ILDR1: variants seen among roughly 807,000 people sequenced by gnomAD.
ILDR1 encodes immunoglobulin like domain containing receptor 1.
ILDR1 carries 56 observed loss-of-function variants against 62.4 expected under a neutral mutation model. That is an observed-to-expected ratio of 0.90 (90% CI 0.72 to 1.12). The LOEUF (loss-of-function observed/expected upper bound fraction) is 1.12. ILDR1 is among the 50% of genes most tolerant of loss of function. The pLI is 0.00. For missense variants in ILDR1, 736 were observed against 710.6 expected (o/e 1.04, Z -0.41); for synonymous variants, 284 against 277.8 (o/e 1.02, Z -0.22).
chr3:122,051,004 T>C, the ILDR1 span, among the ~76,000 whole-genome samples: 2 of 152,228 alleles, frequency 1.3e-5, no homozygotes, highest in East Asian at 3.8e-4. Context: ...AATCCATTGC[T>C]AATCTTATAG....
upstream of ILDR1, among the ~76,000 whole-genome samples, chr3:122,023,021 G>A (rs1051802759): frequency 1.3e-5 from 2 of 150,666 alleles, no homozygotes; most frequent in Non-Finnish European, 3.0e-5. Flanking sequence ...AACTATAAAA[G>A]TAAAATATTA....
the ILDR1 span, among the ~76,000 whole-genome samples, chr3:122,042,634 T>C: frequency 2.6e-5 from 4 of 151,772 alleles, no homozygotes; most frequent in African/African-American, 9.7e-5. Context: ...TGGTATCTCA[T>C]TGTGGTTTTG....
Position 122,002,201 on chromosome 3 carries a change from G to A in ILDR1, c.380-337C>T, listed in dbSNP as rs545002869. 9.2e-5 allele frequency among the ~76,000 whole-genome samples: 14 copies of A among 152,210 alleles called. No homozygotes were observed. The South Asian group carries it at 2.1e-3, about 23-fold the overall frequency. ...CAGTATATGGGGCTTTTACTTACTC[G>A]CAATCAAACCTAATCCTAACTGGTA... On this transcript the variant is annotated intron_variant, in intron 3 of 7. Transcript: ENST00000344209.
At chr3:122,048,922 C>T in the ILDR1 span, among the ~76,000 whole-genome samples, 1 of 152,170 alleles carries the variant, frequency 6.6e-6, no homozygotes, top group Admixed American at 6.5e-5. Context: ...AGGCATAAGC[C>T]ACCATTACGC....
At chr3:122,020,505 G>A (rs2071839247) in intron 1 of ILDR1, among the ~76,000 whole-genome samples, 1 of 152,204 alleles carries the variant, frequency 6.6e-6, no homozygotes, top group African/African-American at 2.4e-5. Flanking sequence ...CATCTATAAA[G>A]TGAACGTGAG....
chr3:122,051,377 T>A, the ILDR1 span, among the ~76,000 whole-genome samples: 1 of 152,142 alleles, frequency 6.6e-6, no homozygotes, highest in Non-Finnish European at 1.5e-5. Context: ...GTAATTGAAT[T>A]GCTGATTATT....
Position 121,994,322 on chromosome 3 carries a change from AAAG to A in ILDR1, c.647-12_647-10del, listed in dbSNP as rs1239450872. On this transcript the variant is annotated splice_polypyrimidine_tract_variant and intron_variant, in intron 5 of 7. Transcript: ENST00000344209. Reference sequence around the variant, plus strand: ...GCGGTGGCGGGCCAGGGCTGCAGGGAAAGAAGGAGAAATGCAGGCCCTCAGCCA... The same window carrying A: ...GCGGTGGCGGGCCAGGGCTGCAGGGAAAGGAGAAATGCAGGCCCTCAGCCA... 3.9e-6 allele frequency: 6 copies of A among 1,529,686 alleles called. No homozygotes were observed. In the Admixed American group the frequency reaches 9.9e-5, roughly 25 times the overall value. 94.8% of individuals were successfully genotyped at this position (1,529,686 alleles called of 1,614,324 possible). A position where few individuals can be genotyped will look rare whatever the true frequency, so the allele number is the denominator to read the frequency against.
chr3:122,022,359 T>G, upstream of ILDR1: 1 of 367,848 alleles, frequency 2.7e-6, no homozygotes. Flanking sequence ...CCCTACCTGC[T>G]GCCGCCTCCT....
At position 121,993,250 on chromosome 3, in the gene ILDR1, T is replaced by A; in HGVS notation, c.1499A>T (p.His500Leu). ...CTTCTCCTCGGGCCAGTGTGGGGAG[T>A]GCGAGCCGCGGCGGTGGGCCCGCCA... ...QSWRAHRRGS[H>L]SPHWPEEKPP... Residue 500 changes from histidine (H) to leucine (L), a missense_variant, in exon 7 of 8, where the codon CAC becomes CTC. His to Leu is a moderately conservative substitution (Grantham distance 99, BLOSUM62 -3). Transcript: ENST00000344209. 6.2e-7 allele frequency: 1 copy of A among 1,613,594 alleles called. No homozygotes were observed. Among genetic ancestry groups the A allele is most frequent in the Non-Finnish European group, 8.5e-7 (1 of 1,179,818 alleles).
the ILDR1 span, among the ~76,000 whole-genome samples, chr3:122,030,627 C>T: frequency 0.15 from 20,896 of 140,350 alleles, 1,449 homozygotes; most frequent in South Asian, 0.22. Context: ...GGGTTTTTCT[C>T]TCTCTCTCTC....
intron 2 of ILDR1, among the ~76,000 whole-genome samples, chr3:122,005,776 G>A (rs2071598861): frequency 6.6e-6 from 1 of 152,078 alleles, no homozygotes; most frequent in Non-Finnish European, 1.5e-5. Context: ...TCACATGCCT[G>A]TAGTCCCAGC....
chr3:122,027,874 CAG>C, the ILDR1 span, among the ~76,000 whole-genome samples: 1 of 152,096 alleles, frequency 6.6e-6, no homozygotes, highest in Non-Finnish European at 1.5e-5. Context: ...GCCAGACGGT[CAG>C]AGACATAGGT....
intron 1 of ILDR1, among the ~76,000 whole-genome samples, chr3:122,011,820 TCTCACAAACCCCCTCAG>T (rs2071708698): frequency 6.6e-6 from 1 of 151,978 alleles, no homozygotes; most frequent in Non-Finnish European, 1.5e-5. Context: ...GGTCTCTAAA[TCTCACAAACCCCCTCAG>T]CTAGGCAACA....
chr3:122,036,529 C>A, the ILDR1 span, among the ~76,000 whole-genome samples: 4 of 150,290 alleles, frequency 2.7e-5, no homozygotes, highest in Non-Finnish European at 4.4e-5. Flanking sequence ...GTGGAGCTTG[C>A]AGTGAGCCGA....
the ILDR1 span, among the ~76,000 whole-genome samples, chr3:122,044,358 G>C: frequency 1.6e-5 from 2 of 124,432 alleles, no homozygotes; most frequent in Admixed American, 1.6e-4. Context: ...TGTTCATCAA[G>C]GATATTGGTC....
At chr3:122,051,912 T>C in the ILDR1 span, among the ~76,000 whole-genome samples, 1 of 152,204 alleles carries the variant, frequency 6.6e-6, no homozygotes, top group Non-Finnish European at 1.5e-5. Flanking sequence ...TTCTGGCTTC[T>C]CTTTTTTAAG....
chr3:122,058,478 T>C, the ILDR1 span, among the ~76,000 whole-genome samples: 1 of 152,206 alleles, frequency 6.6e-6, no homozygotes, highest in Non-Finnish European at 1.5e-5. Context: ...TCAGAGCTAC[T>C]GGGGCTTTTG....
chr3:121,987,834 A>G lies in ILDR1; in HGVS notation c.*533T>C, dbSNP rs1391790004. 8.3e-6 allele frequency: 2 copies of G among 240,838 alleles called. No homozygotes were observed. Among genetic ancestry groups the G allele is most frequent in the Non-Finnish European group, 1.6e-5 (2 of 122,284 alleles). The allele number at this position is 240,838 out of a possible 1,614,324, so 14.9% of individuals were successfully genotyped here. ...ATTACAAGTCAGAGATTATATAAAT[A>G]TGCAAGAGAGCATGAACCAAGGCTA... On this transcript the variant is annotated 3_prime_UTR_variant, in exon 8 of 8. Transcript: ENST00000344209.
At chr3:122,055,838 T>A in the ILDR1 span, among the ~76,000 whole-genome samples, 4 of 152,270 alleles carry the variant, frequency 2.6e-5, no homozygotes, top group Middle Eastern at 3.4e-3. Context: ...GGGAATATGT[T>A]TTTTGTCTAC....
Sources: gnomAD v4.1 joint callset for allele counts (sites outside exome capture counted in the v4.1 genomes callset) on GRCh38, gnomAD v4.1.1 for gene constraint, MANE v1.5 for transcripts, NCBI Gene and HGNC (gene_info 2026-07-23, HGNC 2026-07-21) for gene names.